ADAR: variants seen among roughly 807,000 people sequenced by gnomAD.
The protein encoded by ADAR is adenosine deaminase RNA specific, also known as double-stranded RNA-specific adenosine deaminase.
A neutral mutation model predicts 113.2 loss-of-function variants in ADAR; 41 were observed. The ratio of observed to expected loss-of-function variants is 0.36; its 90% CI spans 0.28 to 0.47. The LOEUF is 0.47. Ranked by LOEUF, ADAR falls within the 20% of genes least tolerant of loss-of-function variation. The pLI, the probability that ADAR is intolerant of heterozygous loss-of-function variation, is 1.00. For missense variants in ADAR, 1,242 were observed against 1,540.9 expected, an observed-to-expected ratio of 0.81 and a Z score of 3.25; for synonymous variants, 605 against 572.6, an observed-to-expected ratio of 1.06 and a Z score of -0.81.
chr1:154,597,020 G>A (rs746145168), intron 5 of ADAR, 25 bp from the exon 6 acceptor site: 2 of 1,614,130 alleles, frequency 1.2e-6, no homozygotes, highest in Admixed American at 1.7e-5. Flanking sequence ...ATCAAACAGA[G>A]GAGCCATAAA....
At chr1:154,590,134 T>TCGGCGGGGG in intron 7 of ADAR, 50 bp downstream of exon 7, 1 of 1,447,034 alleles carries the variant, frequency 6.9e-7, no homozygotes. Flanking sequence ...ACTTAGGAGT[T>TCGGCGGGGG]AGGAGGACCC....
intron 1 of ADAR, among the ~76,000 whole-genome samples, chr1:154,619,117 A>T (rs1698716071): frequency 6.6e-6 from 1 of 152,190 alleles, no homozygotes; most frequent in Non-Finnish European, 1.5e-5. Context: ...CTCAAAAAAA[A>T]AGAGGCAGAT....
Position 154,586,962 on chromosome 1 carries a change from C to CA in ADAR, c.3020-600dup, listed in dbSNP as rs202198619. On this transcript the variant is annotated intron_variant, in intron 11 of 14. Coordinates refer to ENST00000368474, the MANE Select transcript of ADAR (RefSeq NM_001111.5). ...AACCACTATCGGGTTTAAAAAAAAA[C>CA]AAAAAAAAATGCTTTACTGAGATAT... Among the ~76,000 whole-genome samples, 92 of 149,796 alleles carry CA rather than the reference C, an allele frequency of 6.1e-4. 1 individual carries two copies. Among genetic ancestry groups the CA allele is most frequent in the East Asian group, 5.1e-3 (26 of 5,126 alleles).
intron 2 of ADAR, among the ~76,000 whole-genome samples, chr1:154,599,985 AGCACAACCCACCCCCACT>A (rs1238830625): frequency 1.1e-4 from 17 of 152,164 alleles, no homozygotes; most frequent in African/African-American, 3.9e-4. Flanking sequence ...GCTGCTTAGC[AGCACAACCCACCCCCACT>A]GTGTATGCAG....
intron 1 of ADAR, among the ~76,000 whole-genome samples, chr1:154,621,884 C>A (rs1333323555): frequency 1.3e-5 from 2 of 152,128 alleles, no homozygotes; most frequent in Non-Finnish European, 2.9e-5. Context: ...TAAATAATAA[C>A]CCTGTCATTT....
chr1:154,606,947 A>AAAAAT (rs1553214982), intron 1 of ADAR, among the ~76,000 whole-genome samples: 14,291 of 148,396 alleles, frequency 0.096, 890 homozygotes, highest in Non-Finnish European at 0.13. Context: ...AAAAAAAAAA[A>AAAAAT]ATATATATAT....
intron 6 of ADAR, among the ~76,000 whole-genome samples, chr1:154,592,073 TAGAA>T (rs2101597235): frequency 6.6e-6 from 1 of 152,344 alleles, no homozygotes; most frequent in East Asian, 1.9e-4. Context: ...ATTATGCAAC[TAGAA>T]TCCTTTAGAG....
intron 9 of ADAR, 46 bp from the exon 10 acceptor site, chr1:154,588,719 A>G (rs770539977): frequency 6.2e-7 from 1 of 1,613,314 alleles, no homozygotes; most frequent in Non-Finnish European, 8.5e-7. Flanking sequence ...AATTCTGGGA[A>G]AAGCAGTTGT....
At chr1:154,596,042 C>T (rs551207070) in intron 6 of ADAR, among the ~76,000 whole-genome samples, 21 of 152,322 alleles carry the variant, frequency 1.4e-4, no homozygotes, top group Non-Finnish European at 2.4e-4. Context: ...CCATACCATA[C>T]AGCCTGTACG....
chr1:154,599,175 C>T (rs1697706375), intron 2 of ADAR, among the ~76,000 whole-genome samples: 3 of 152,104 alleles, frequency 2.0e-5, no homozygotes, highest in Non-Finnish European at 4.4e-5. Flanking sequence ...AAGGAATTTC[C>T]CCTTGTTATG....
chr1:154,605,957 T>C (rs1698165973), intron 1 of ADAR: 1 of 938,880 alleles, frequency 1.1e-6, no homozygotes, highest in African/African-American at 1.8e-5. Context: ...TGTCTGTCTA[T>C]AGAAGAATTA....
chr1:154,597,225 A>T lies in ADAR; in HGVS notation c.1977T>A (p.Ser659Arg). The change falls in exon 5 of 15, where the codon AGT (serine) becomes AGA (arginine). Residue 659 changes from serine (S) to arginine (R), a missense_variant. Physicochemically the swap from Ser to Arg is moderately radical, Grantham distance 110. This residue lies in a region of ADAR where 780 missense variants were observed against 1,057.9 expected (regional missense o/e 0.74). Transcript: ENST00000368474. The part of the protein sequence containing the change: ...CVAVGAQTFP[S>R]VSAPSKKVAK... ...CCACTTTCTTGCTGGGAGCACTCAC[A>T]CTGGGGAAAGTTTGGGCTCCCACTG... 6.2e-7 allele frequency: 1 copy of T among 1,614,098 alleles called. No individual in the cohort carries two copies. The highest frequency in any genetic ancestry group is 8.5e-7 in the Non-Finnish European group (1 of 1,180,004).
At chr1:154,589,631 T>C in intron 8 of ADAR, 126 bp downstream of exon 8, 1 of 1,305,138 alleles carries the variant, frequency 7.7e-7, no homozygotes, top group Non-Finnish European at 1.1e-6. Flanking sequence ...TCACTCTGAA[T>C]TGACTGTAGC....
intron 1 of ADAR, among the ~76,000 whole-genome samples, chr1:154,615,510 A>G (rs976492831): frequency 5.3e-5 from 8 of 152,198 alleles, no homozygotes; most frequent in African/African-American, 1.9e-4. Flanking sequence ...CCTGGGCTCA[A>G]GCAATCCTCC....
chr1:154,607,425 G>A (rs750466603), intron 1 of ADAR, among the ~76,000 whole-genome samples: 5 of 152,154 alleles, frequency 3.3e-5, no homozygotes, highest in Non-Finnish European at 7.3e-5. Flanking sequence ...CAGCTTAAGT[G>A]CCATTTTTAA....
chr1:154,585,121 G>C, intron 14 of ADAR, 78 bp from the exon 15 acceptor site: 2 of 1,612,142 alleles, frequency 1.2e-6, no homozygotes, highest in South Asian at 1.1e-5. Flanking sequence ...CGTGGGAGGG[G>C]AGGCGGCTCT....
intron 6 of ADAR, among the ~76,000 whole-genome samples, chr1:154,593,135 C>CAAAAAAAAAAAAAA (rs66567439): frequency 2.7e-5 from 2 of 74,654 alleles, no homozygotes; most frequent in Non-Finnish European, 2.4e-5. Context: ...ACTCCATCTC[C>CAAAAAAAAAAAAAA]AAAAAAAAAA....
intron 1 of ADAR, 146 bp from the exon 2 acceptor site, chr1:154,602,772 C>T (rs1352010619): frequency 1.0e-6 from 1 of 992,918 alleles, no homozygotes; most frequent in Non-Finnish European, 1.5e-6. Flanking sequence ...GCTAGGGTGA[C>T]TTGCCTACCT....
chr1:154,597,095 G>T (rs373671974), intron 5 of ADAR, 28 bp downstream of exon 5: 14 of 1,614,160 alleles, frequency 8.7e-6, no homozygotes, highest in Non-Finnish European at 1.2e-5. Context: ...AAAATGACCT[G>T]TATCTTTTGA....
Sources: allele counts gnomAD v4.1 joint callset (sites outside exome capture counted in the v4.1 genomes callset), GRCh38; gene constraint gnomAD v4.1.1; regional missense constraint gnomAD v4.1.1; transcripts MANE v1.5; gene names NCBI Gene and HGNC (gene_info 2026-07-23, HGNC 2026-07-21).